The following BLM variants were observed in gnomAD, a reference collection of about 807,000 sequenced individuals.
BLM encodes the protein recQ-like DNA helicase BLM.
BLM carries 95 observed loss-of-function variants against 135.3 expected under a neutral mutation model. That is an observed-to-expected ratio of 0.70 (90% CI 0.59 to 0.83). BLM has a LOEUF of 0.83. BLM is among the 40% of genes least tolerant of loss of function. The pLI is 0.00. For synonymous variants in BLM, 520 were observed against 589.2 expected, an observed-to-expected ratio of 0.88 and a Z score of 1.70; for missense variants, 1,518 against 1,663.9, an observed-to-expected ratio of 0.91 and a Z score of 1.53.
chr15:90,721,248 C>T (rs1396761172), intron 1 of BLM, among the ~76,000 whole-genome samples: 1 of 152,106 alleles, frequency 6.6e-6, no homozygotes, highest in Non-Finnish European at 1.5e-5. Context: ...ATTCCCTGAA[C>T]ATTTGTTCAC....
rs1567040460 is a variant in BLM at position 90,760,147 on chromosome 15, C to T, written c.1088C>T (p.Ala363Val). Residue 363 changes from alanine (A) to valine (V), a missense_variant and splice_region_variant, in exon 6 of 22, where the codon GCT (alanine) becomes GTT (valine). Ala to Val is a moderately conservative substitution (Grantham distance 64, BLOSUM62 0). Transcript: ENST00000355112. ...TATTAACAACATAATTATTTTATAG[C>T]TAGACAGATAAGTTTACAGCAGCAG... ...LNPETSTDCD[A>V]RQISLQQQLI... The T allele has an allele frequency of 5.6e-6, 9 of 1,609,358 alleles. No individual in the cohort carries two copies. The highest frequency in any genetic ancestry group is 2.2e-5 in the South Asian group (2 of 90,974).
chr15:90,809,495 G>A (rs1048867558), intron 20 of BLM, among the ~76,000 whole-genome samples: 1 of 152,120 alleles, frequency 6.6e-6, no homozygotes, highest in Non-Finnish European at 1.5e-5. Flanking sequence ...TGGGCCCAGG[G>A]GTTGCTGGTT....
intron 1 of BLM, among the ~76,000 whole-genome samples, chr15:90,743,900 C>T (rs1895434802): frequency 1.3e-5 from 2 of 152,100 alleles, no homozygotes; most frequent in Admixed American, 6.6e-5. Flanking sequence ...AACCAAAGAG[C>T]AGTGCATTTT....
chr15:90,744,226 T>C (rs924584854), intron 1 of BLM, among the ~76,000 whole-genome samples: 7 of 152,220 alleles, frequency 4.6e-5, no homozygotes, highest in African/African-American at 1.7e-4. Flanking sequence ...GTCAGTAGTC[T>C]ACTTTGTTGA....
intron 1 of BLM, among the ~76,000 whole-genome samples, chr15:90,723,801 C>A (rs1331194889): frequency 1.3e-5 from 2 of 151,996 alleles, no homozygotes; most frequent in Non-Finnish European, 2.9e-5. Context: ...TTAACAACTC[C>A]CCATTTCCTG....
chr15:90,810,533 G>A (rs116412934), intron 20 of BLM, among the ~76,000 whole-genome samples: 9,167 of 152,216 alleles, frequency 0.06, 312 homozygotes, highest in Non-Finnish European at 0.069. Flanking sequence ...CTGGGTCCCC[G>A]TGTGAGCTAT....
At chr15:90,734,721 AG>A (rs1895164682) in intron 1 of BLM, among the ~76,000 whole-genome samples, 1 of 150,738 alleles carries the variant, frequency 6.6e-6, no homozygotes, top group East Asian at 1.9e-4. Flanking sequence ...AGAGAGAGAG[AG>A]AGAGAGAGAG....
intron 1 of BLM, among the ~76,000 whole-genome samples, chr15:90,734,672 C>G (rs1895156970): frequency 7.5e-6 from 1 of 132,546 alleles, no homozygotes; most frequent in African/African-American, 3.4e-5. Context: ...CGCGCGCACG[C>G]ACGCACACAC....
chr15:90,755,784 A>G (rs987324065), intron 5 of BLM, among the ~76,000 whole-genome samples: 4 of 151,694 alleles, frequency 2.6e-5, no homozygotes, highest in African/African-American at 9.7e-5. Context: ...TTTTATCTTT[A>G]ACTCTTCTGT....
intron 14 of BLM, among the ~76,000 whole-genome samples, chr15:90,786,516 G>T (rs551003225): frequency 6.6e-6 from 1 of 152,122 alleles, no homozygotes; most frequent in African/African-American, 2.4e-5. Context: ...GTGTCTCCAC[G>T]TCTTCACCAA....
chr15:90,761,714 A>T (rs1411171225), intron 7 of BLM, among the ~76,000 whole-genome samples: 1 of 152,234 alleles, frequency 6.6e-6, no homozygotes, highest in Non-Finnish European at 1.5e-5. Context: ...TATAAAGGAT[A>T]TGAAGTCAGG....
intron 1 of BLM, among the ~76,000 whole-genome samples, chr15:90,744,369 T>A (rs552362191): frequency 7.2e-4 from 109 of 152,204 alleles, no homozygotes; most frequent in African/African-American, 2.5e-3. Context: ...GGCTTTTATT[T>A]TTTATTTATT....
intron 1 of BLM, among the ~76,000 whole-genome samples, chr15:90,732,952 G>C (rs771432799): frequency 1.3e-5 from 2 of 152,136 alleles, no homozygotes; most frequent in Non-Finnish European, 2.9e-5. Flanking sequence ...ACTTAGCCAG[G>C]CGTGGTGGCA....
At chr15:90,794,036 G>T in intron 15 of BLM, 131 bp from the exon 16 acceptor site, 1 of 573,902 alleles carries the variant, frequency 1.7e-6, no homozygotes, top group Non-Finnish European at 2.9e-6. Flanking sequence ...AGAATGCCAT[G>T]TTGACAATGC....
chr15:90,815,484 G>A lies in BLM; in HGVS notation c.*205G>A. On this transcript the variant is annotated 3_prime_UTR_variant, in exon 22 of 22. Transcript: ENST00000355112. This position sits in a 1 kb window ranked among gnomAD's most constrained non-coding sequence, Gnocchi z 4.6. The stretch of plus-strand genomic sequence containing the variant: ...AGCATGTTTTGCTGCCGCTGCAAGT[G>A]TTGTGGCCGTTGTTTCTCAGAACGT... 1.7e-6 allele frequency: 1 copy of A among 600,552 alleles called. No homozygotes were observed. The highest frequency in any genetic ancestry group is 3.0e-5 in the East Asian group (1 of 32,996). 37.2% of individuals were successfully genotyped at this position (600,552 alleles called of 1,614,324 possible).
Position 90,735,628 on chromosome 15 carries a change from G to A in BLM, c.-4-11761G>A, listed in dbSNP as rs1895194225. ...TGCTGGGACAACTTGTTAGCCACTT[G>A]AAAAAACAAAATTATATCTATACTT... On this transcript the variant is annotated intron_variant, in intron 1 of 21. Transcript: ENST00000355112. 4.6e-5 allele frequency among the ~76,000 whole-genome samples: 7 copies of A among 151,878 alleles called. No homozygotes were observed. The South Asian group carries it at 1.5e-3, about 31-fold the overall frequency.
At position 90,797,341 on chromosome 15, in the gene BLM, G is replaced by A. The variant is rs113757088; in HGVS notation, c.3211-849G>A. 4.4e-3 allele frequency among the ~76,000 whole-genome samples: 659 copies of A among 150,000 alleles called. 4 individuals carry two copies. The highest frequency in any genetic ancestry group is 0.015 in the African/African-American group (589 of 40,538). ...TGAGGCAGGAGAATCGCTTGAACCT[G>A]GGAGGTGGAGGTTGCAGGGAGCCAA... On this transcript the variant is annotated intron_variant, in intron 16 of 21. Transcript: ENST00000355112.
intron 16 of BLM, 97 bp downstream of exon 16, chr15:90,794,454 C>T: frequency 2.1e-6 from 2 of 949,628 alleles, no homozygotes; most frequent in Middle Eastern, 3.4e-4. Flanking sequence ...TGGTCTCCGA[C>T]AGATTAACAG....
chr15:90,755,059 C>A (rs1895782964), intron 5 of BLM, 121 bp downstream of exon 5: 4 of 1,256,418 alleles, frequency 3.2e-6, no homozygotes, highest in South Asian at 2.8e-5. Flanking sequence ...TTTGTAGTTT[C>A]TTTTCTTCTA....
Sources: gnomAD v4.1 joint callset for allele counts (sites outside exome capture counted in the v4.1 genomes callset) on GRCh38, gnomAD v4.1.1 for gene constraint, Gnocchi (gnomAD v3.1) non-coding constraint, MANE v1.5 for transcripts, NCBI Gene and HGNC (gene_info 2026-07-23, HGNC 2026-07-21) for gene names.